The following CPSF6 variants were observed in gnomAD, a reference collection of about 807,000 sequenced individuals.
CPSF6 encodes cleavage and polyadenylation specificity factor subunit 6.
In CPSF6, 10 loss-of-function variants were observed where a neutral mutation model predicts 56.7. The ratio of observed to expected loss-of-function variants is 0.18; its 90% CI spans 0.11 to 0.30. The LOEUF (loss-of-function observed/expected upper bound fraction) is 0.30, where lower values mean the gene tolerates loss of function less well. Ranked by LOEUF, CPSF6 falls within the 10% of genes least tolerant of loss-of-function variation. The pLI, the probability that CPSF6 is intolerant of heterozygous loss-of-function variation, is 1.00. For missense variants in CPSF6, 419 were observed against 722.9 expected (o/e 0.58, Z 4.82); for synonymous variants, 248 against 244.8 (o/e 1.01, Z -0.12).
chr12:69,259,596 TA>T (rs1171114654), intron 7 of CPSF6, 53 bp downstream of exon 7: 1 of 1,460,704 alleles, frequency 6.8e-7, no homozygotes. Flanking sequence ...AGGAATGACC[TA>T]AAAATGTAAG....
intron 1 of CPSF6, 66 bp downstream of exon 1, chr12:69,239,772 G>C: frequency 7.0e-7 from 1 of 1,437,072 alleles, no homozygotes; most frequent in South Asian, 1.4e-5. Context: ...CTGACCCGGG[G>C]CCCGCTGCGG....
chr12:69,240,335 CTT>C (rs894628067), intron 1 of CPSF6, among the ~76,000 whole-genome samples: 22 of 152,356 alleles, frequency 1.4e-4, no homozygotes, highest in South Asian at 8.3e-4. Flanking sequence ...TCCCCTCACA[CTT>C]TCTGAAGGCG....
chr12:69,266,173 A>T (rs1473944707), intron 9 of CPSF6, among the ~76,000 whole-genome samples: 1 of 151,996 alleles, frequency 6.6e-6, no homozygotes, highest in Non-Finnish European at 1.5e-5. Flanking sequence ...ATAAGATTTT[A>T]AAATTGTTTC....
intron 9 of CPSF6, among the ~76,000 whole-genome samples, chr12:69,263,669 G>A (rs998640818): frequency 6.6e-6 from 1 of 151,884 alleles, no homozygotes; most frequent in Non-Finnish European, 1.5e-5. Context: ...ATTGTTATGG[G>A]CAAAATTAAA....
intron 2 of CPSF6, 85 bp from the exon 3 acceptor site, chr12:69,252,966 T>C: frequency 1.3e-6 from 1 of 761,014 alleles, no homozygotes; most frequent in South Asian, 2.1e-5. Context: ...CTTTTATGTC[T>C]CAAATTTCCC....
At position 69,258,796 on chromosome 12, in the gene CPSF6, C is replaced by T; in HGVS notation, c.901C>T (p.Pro301Ser). 6.2e-7 allele frequency: 1 copy of T among 1,614,006 alleles called. No individual in the cohort carries two copies. The highest frequency in any genetic ancestry group is 8.5e-7 in the Non-Finnish European group (1 of 1,179,950). Reference sequence around the variant, plus strand: ...TCCTCCTGGCCCTCCACCTCCAGTTCCAGGCTACGGCCCCCCTCCTGGCCC... The same window carrying T: ...TCCTCCTGGCCCTCCACCTCCAGTTTCAGGCTACGGCCCCCCTCCTGGCCC... ...PLPPGPPPPV[P>S]GYGPPPGPPP... Residue 301 changes from proline (P) to serine (S), a missense_variant, in exon 6 of 10, where the codon CCA becomes TCA. This residue lies in a region of CPSF6 where 211 missense variants were observed against 296.0 expected (regional missense o/e 0.71). Transcript: ENST00000435070. The surrounding 1 kb of genome is among the most constrained non-coding windows in gnomAD (Gnocchi z 4.2).
In CPSF6 at chr12:69,270,835, TG is replaced by T. The variant is rs1446919562; in HGVS notation, c.*1328del. On this transcript the variant is annotated 3_prime_UTR_variant, in exon 10 of 10. Transcript: ENST00000435070. Reference sequence around the variant, plus strand: ...ACTTGATTAGGTGTTTTTATGGGAATGTAATTTGAAATCACTACTTCAGAAA... The same window carrying T: ...ACTTGATTAGGTGTTTTTATGGGAATTAATTTGAAATCACTACTTCAGAAA... 1 of 151,802 alleles carries T rather than the reference TG, an allele frequency of 6.6e-6. No individual in the cohort carries two copies. The highest frequency in any genetic ancestry group is 1.5e-5 in the Non-Finnish European group (1 of 67,698). 9.4% of individuals were successfully genotyped at this position (151,802 alleles called of 1,614,324 possible).
chr12:69,260,983 G>A (rs1359119387), intron 8 of CPSF6, among the ~76,000 whole-genome samples: 2 of 152,044 alleles, frequency 1.3e-5, no homozygotes, highest in East Asian at 1.9e-4. Flanking sequence ...AAAATTTCTC[G>A]AATGAGGGAG....
At position 69,271,630 on chromosome 12, in the gene CPSF6, G is replaced by A. The variant is rs781441754; in HGVS notation, c.*2122G>A. 1 of 151,686 alleles carries A rather than the reference G, an allele frequency of 6.6e-6. No individual in the cohort carries two copies. The highest frequency in any genetic ancestry group is 1.5e-5 in the Non-Finnish European group (1 of 67,702). The allele number at this position is 151,686 out of a possible 1,614,324, so 9.4% of individuals were successfully genotyped here. The stretch of plus-strand genomic sequence containing the variant: ...GACTTTCGTTACAGACAGTGTGAGT[G>A]TACTAGATTTGTTTGCTGCTAATCC... On this transcript the variant is annotated 3_prime_UTR_variant, in exon 10 of 10. Transcript: ENST00000435070.
At chr12:69,250,721 A>G (rs975339757) in intron 1 of CPSF6, among the ~76,000 whole-genome samples, 2 of 151,408 alleles carry the variant, frequency 1.3e-5, no homozygotes, top group Admixed American at 6.6e-5. Flanking sequence ...ATCTTGGCTC[A>G]CTACAACCTC....
chr12:69,246,765 G>A (rs1039218803), intron 1 of CPSF6, among the ~76,000 whole-genome samples: 1 of 152,082 alleles, frequency 6.6e-6, no homozygotes, highest in Non-Finnish European at 1.5e-5. Context: ...AATAGGCTTT[G>A]AAACAAGTGG....
chr12:69,258,260 A>G lies in CPSF6; in HGVS notation c.695-330A>G. 1.4e-6 allele frequency: 1 copy of G among 701,398 alleles called. No individual in the cohort carries two copies. The highest frequency in any genetic ancestry group is 2.3e-6 in the Non-Finnish European group (1 of 426,848). 43.4% of individuals were successfully genotyped at this position (701,398 alleles called of 1,614,324 possible). A position where few individuals can be genotyped will look rare whatever the true frequency, so the allele number is the denominator to read the frequency against. Reference sequence around the variant, plus strand: ...ATCATTTTTCCTTGTTTCACTTTCTAGCTTGGCATCAGAGTAGAATATAAG... The same window carrying G: ...ATCATTTTTCCTTGTTTCACTTTCTGGCTTGGCATCAGAGTAGAATATAAG... On this transcript the variant is annotated intron_variant, in intron 5 of 9. Coordinates refer to ENST00000435070, the MANE Select transcript of CPSF6 (RefSeq NM_007007.3). This position sits in a 1 kb window ranked among gnomAD's most constrained non-coding sequence, Gnocchi z 4.2.
chr12:69,256,874 A>G (rs1158082578), intron 4 of CPSF6, 32 bp downstream of exon 4: 1 of 1,559,384 alleles, frequency 6.4e-7, no homozygotes, highest in Admixed American at 2.0e-5. Context: ...TTATTAAAAT[A>G]TGTACATTTT....
chr12:69,255,783 T>C (rs1402195830), intron 3 of CPSF6, among the ~76,000 whole-genome samples: 1 of 152,076 alleles, frequency 6.6e-6, no homozygotes, highest in Non-Finnish European at 1.5e-5. Flanking sequence ...ATGATCCTCC[T>C]GCCTTGGCCT....
At chr12:69,244,081 C>T (rs1871764164) in intron 1 of CPSF6, among the ~76,000 whole-genome samples, 1 of 152,126 alleles carries the variant, frequency 6.6e-6, no homozygotes, top group African/African-American at 2.4e-5. Flanking sequence ...TTTGACCTAC[C>T]AGTGTTGGGA....
Position 69,270,336 on chromosome 12 carries a change from C to T in CPSF6, c.*828C>T, listed in dbSNP as rs139521476. The T allele has an allele frequency of 7.6e-4, 116 of 152,028 alleles. No homozygotes were observed. The highest frequency in any genetic ancestry group is 2.7e-3 in the African/African-American group (110 of 41,422). 9.4% of individuals were successfully genotyped at this position (152,028 alleles called of 1,614,324 possible). On this transcript the variant is annotated 3_prime_UTR_variant, in exon 10 of 10. Transcript: ENST00000435070. The stretch of plus-strand genomic sequence containing the variant: ...AGGTTTTAACACATAAGTAAAAACC[C>T]GTACATATTTGATGTGTAATGCAGG...
rs1873148274 is a variant in CPSF6, at chr12:69,269,544, C to CA, written c.*37dup. On this transcript the variant is annotated 3_prime_UTR_variant, in exon 10 of 10. Transcript: ENST00000435070. ...AAGAGGATCACCTTCCAAGACAAAA[C>CA]AGTCTTCATGGGGGAAAAATGACGC... 1 of 452,888 alleles carries CA rather than the reference C, an allele frequency of 2.2e-6. No homozygotes were observed. The highest frequency in any genetic ancestry group is 2.0e-5 in the African/African-American group (1 of 49,894). The allele number at this position is 452,888 out of a possible 1,614,324, so 28.1% of individuals were successfully genotyped here.
intron 9 of CPSF6, among the ~76,000 whole-genome samples, chr12:69,265,611 T>C (rs1376413124): frequency 2.0e-5 from 3 of 149,584 alleles, no homozygotes; most frequent in Non-Finnish European, 4.5e-5. Context: ...TTTTTTTTTT[T>C]TTTTTTTTGA....
rs1872656573 is a variant in CPSF6, at chr12:69,259,530, T to C, written c.1302T>C (p.Ser434=). ...ISSSAISRAV[S]DASAGDYGSA... Reference sequence around the variant, plus strand: ...GCAGTGCTATTTCGAGAGCTGTGTCTGATGCCAGTGCTGGTTTGTGTATTT... The same window carrying C: ...GCAGTGCTATTTCGAGAGCTGTGTCCGATGCCAGTGCTGGTTTGTGTATTT... Residue 434 remains serine (S), a synonymous_variant, in exon 7 of 10, where the codon TCT becomes TCC. Coordinates refer to ENST00000435070, the MANE Select transcript of CPSF6 (RefSeq NM_007007.3). The C allele has an allele frequency of 1.2e-6, 2 of 1,611,962 alleles. No homozygotes were observed. Among genetic ancestry groups the C allele is most frequent in the Non-Finnish European group, 1.7e-6 (2 of 1,179,198 alleles).
Sources: gnomAD v4.1 joint callset for allele counts (sites outside exome capture counted in the v4.1 genomes callset) on GRCh38, gnomAD v4.1.1 for gene constraint, gnomAD v4.1.1 regional missense constraint, Gnocchi (gnomAD v3.1) non-coding constraint, MANE v1.5 for transcripts, NCBI Gene and HGNC (gene_info 2026-07-23, HGNC 2026-07-21) for gene names.